The following ASAH2 variants were observed in gnomAD, a reference collection of about 807,000 sequenced individuals.
ASAH2 encodes N-acylsphingosine amidohydrolase 2.
ASAH2 carries 58 observed loss-of-function variants against 82.9 expected under a neutral mutation model. The ratio of observed to expected loss-of-function variants is 0.70; its 90% CI spans 0.57 to 0.87. ASAH2 has a LOEUF of 0.87. ASAH2 is among the 40% of genes least tolerant of loss of function. ASAH2 has a pLI of 0.00. For missense variants in ASAH2, 779 were observed against 834.0 expected (o/e 0.93, Z 0.81); for synonymous variants, 276 against 289.7 (o/e 0.95, Z 0.48).
intron 7 of ASAH2, among the ~76,000 whole-genome samples, chr10:50,228,701 T>G (rs1389864337): frequency 6.6e-6 from 1 of 151,690 alleles, no homozygotes; most frequent in Non-Finnish European, 1.5e-5. Flanking sequence ...GACCACTGAC[T>G]ATAAGAATAA....
chr10:50,205,513 A>G (rs1327044574), intron 13 of ASAH2, among the ~76,000 whole-genome samples: 1 of 152,038 alleles, frequency 6.6e-6, no homozygotes, highest in Non-Finnish European at 1.5e-5. Flanking sequence ...GAATACTGAA[A>G]TGACCTTTTG....
Position 50,187,118 on chromosome 10 carries a change from T to TACACACACACACACACA in ASAH2, c.*196_*197insTGTGTGTGTGTGTGTGT, listed in dbSNP as rs1844769710. 1 of 140,976 alleles carries TACACACACACACACACA rather than the reference T, an allele frequency of 7.1e-6. No homozygotes were observed. Among genetic ancestry groups the TACACACACACACACACA allele is most frequent in the African/African-American group, 5.5e-5 (1 of 18,050 alleles). The allele number at this position is 140,976 out of a possible 1,614,324, so 8.7% of individuals were successfully genotyped here. A position where few individuals can be genotyped will look rare whatever the true frequency, so the allele number is the denominator to read the frequency against. ...CTCTCTCTCTCTCTCTCTCTCTCTC[T>TACACACACACACACACA]CACACACACACACACACACACACAC... On this transcript the variant is annotated 3_prime_UTR_variant, in exon 21 of 21. Coordinates refer to ENST00000682911, the MANE Select transcript of ASAH2 (RefSeq NM_019893.4).
At chr10:50,244,668 G>C (rs1332781249) in intron 3 of ASAH2, among the ~76,000 whole-genome samples, 1 of 152,134 alleles carries the variant, frequency 6.6e-6, no homozygotes, top group Non-Finnish European at 1.5e-5. Flanking sequence ...TCCAACCTAG[G>C]TTTCCAGTTT....
chr10:50,243,392 C>T (rs967051269), intron 3 of ASAH2, 41 bp from the exon 4 acceptor site: 1 of 1,593,348 alleles, frequency 6.3e-7, no homozygotes, highest in Non-Finnish European at 8.5e-7. Context: ...TGTCTCATTC[C>T]CCTGCTACTA....
intron 4 of ASAH2, among the ~76,000 whole-genome samples, chr10:50,239,456 C>A (rs1243431165): frequency 6.6e-6 from 1 of 152,104 alleles, no homozygotes; most frequent in Admixed American, 6.6e-5. Context: ...CCACTCTACC[C>A]GCCAAAGTCT....
chr10:50,196,185 AAATT>A, intron 18 of ASAH2, among the ~76,000 whole-genome samples: 1 of 151,970 alleles, frequency 6.6e-6, no homozygotes, highest in South Asian at 2.1e-4. Flanking sequence ...ATCAAGTAGA[AAATT>A]AAATAAAATT....
At chr10:50,242,407 A>G (rs1846325930) in intron 4 of ASAH2, among the ~76,000 whole-genome samples, 1 of 152,218 alleles carries the variant, frequency 6.6e-6, no homozygotes, top group African/African-American at 2.4e-5. Context: ...GTAGAACCTG[A>G]CATTGCATGA....
intron 8 of ASAH2, among the ~76,000 whole-genome samples, chr10:50,215,233 T>A (rs1283021319): frequency 6.6e-6 from 1 of 152,112 alleles, no homozygotes; most frequent in African/African-American, 2.4e-5. Context: ...CCATCTTGAG[T>A]TAATTTTTGT....
intron 5 of ASAH2, 78 bp downstream of exon 5, chr10:50,235,810 T>C: frequency 2.7e-6 from 4 of 1,506,228 alleles, no homozygotes; most frequent in Non-Finnish European, 3.7e-6. Context: ...ATAGGGATTC[T>C]TTATATCACA....
chr10:50,228,180 A>G (rs1845938308), intron 7 of ASAH2, among the ~76,000 whole-genome samples: 1 of 152,214 alleles, frequency 6.6e-6, no homozygotes, highest in Non-Finnish European at 1.5e-5. Flanking sequence ...AAATAAAAGC[A>G]ATAAATAAAA....
intron 4 of ASAH2, among the ~76,000 whole-genome samples, chr10:50,242,744 C>T (rs1846336828): frequency 6.6e-6 from 1 of 152,148 alleles, no homozygotes; most frequent in Non-Finnish European, 1.5e-5. Context: ...TATTACCCAG[C>T]TTCTATAACT....
At chr10:50,208,601 A>G (rs1465991076) in intron 12 of ASAH2, among the ~76,000 whole-genome samples, 3 of 152,146 alleles carry the variant, frequency 2.0e-5, no homozygotes, top group Non-Finnish European at 2.9e-5. Flanking sequence ...AACAAAAAAT[A>G]CAAAATTTAT....
chr10:50,244,096 CA>C (rs1564852313), intron 3 of ASAH2, among the ~76,000 whole-genome samples: 3 of 152,190 alleles, frequency 2.0e-5, no homozygotes, highest in Non-Finnish European at 4.4e-5. Flanking sequence ...TGCAAAGAAG[CA>C]GGAGCTGGAG....
At chr10:50,248,441 T>C in intron 2 of ASAH2, 43 bp downstream of exon 2, 3 of 1,605,604 alleles carry the variant, frequency 1.9e-6, no homozygotes, top group Non-Finnish European at 2.6e-6. Context: ...AGAAGTTTCA[T>C]ACAGGCCTAA....
chr10:50,213,885 C>T (rs1163299258), intron 9 of ASAH2, among the ~76,000 whole-genome samples: 4 of 151,914 alleles, frequency 2.6e-5, no homozygotes, highest in Non-Finnish European at 4.4e-5. Flanking sequence ...AATAAACATC[C>T]CAGAAATAGT....
At chr10:50,243,390 T>C in intron 3 of ASAH2, 39 bp from the exon 4 acceptor site, 1 of 1,595,712 alleles carries the variant, frequency 6.3e-7, no homozygotes, top group Non-Finnish European at 8.5e-7. Context: ...TCTGTCTCAT[T>C]CCCCTGCTAC....
At position 50,202,828 on chromosome 10, in the gene ASAH2, C is replaced by G. The variant is rs1845189579; in HGVS notation, c.1761+1G>C. ...TAAATGATGAAAACGTTTTGCTTTA[C>G]CTGGTATTCTTCATAAGTGGTAATG... On this transcript the variant is annotated splice_donor_variant, in intron 16 of 20. Coordinates refer to ENST00000682911, the MANE Select transcript of ASAH2 (RefSeq NM_019893.4). LOFTEE classifies it high-confidence loss of function. 3.8e-6 allele frequency: 6 copies of G among 1,591,826 alleles called. No homozygotes were observed. The highest frequency in any genetic ancestry group is 2.7e-5 in the African/African-American group (2 of 74,374).
chr10:50,246,127 C>T (rs1158518271), intron 2 of ASAH2, among the ~76,000 whole-genome samples: 1 of 151,868 alleles, frequency 6.6e-6, no homozygotes, highest in African/African-American at 2.4e-5. Flanking sequence ...ATTTATTATA[C>T]ACACACATAC....
chr10:50,212,528 A>C, intron 10 of ASAH2, among the ~76,000 whole-genome samples: 1 of 152,182 alleles, frequency 6.6e-6, no homozygotes, highest in South Asian at 2.1e-4. Context: ...CAAGAACTGG[A>C]GTTCTATGGC....
Sources: allele counts gnomAD v4.1 joint callset (sites outside exome capture counted in the v4.1 genomes callset), GRCh38; gene constraint gnomAD v4.1.1; transcripts MANE v1.5; gene names NCBI Gene and HGNC (gene_info 2026-07-23, HGNC 2026-07-21).